The following HORMAD1 variants were observed in gnomAD, a reference collection of about 807,000 sequenced individuals.
HORMAD1 encodes the protein HORMA domain-containing protein 1.
HORMAD1 carries 33 observed loss-of-function variants against 58.2 expected under a neutral mutation model. The observed-to-expected ratio is 0.57, with a 90% CI of 0.43 to 0.76. HORMAD1 has a LOEUF of 0.76. Among genes scored for constraint, HORMAD1 ranks in the 30% least tolerant of loss-of-function variants. The pLI, the probability that HORMAD1 is intolerant of heterozygous loss-of-function variation, is 0.00. For synonymous variants in HORMAD1, 137 were observed against 144.6 expected (o/e 0.95, Z 0.38); for missense variants, 363 against 462.0 (o/e 0.79, Z 1.96).
At chr1:150,713,864 A>C (rs1404030676) in intron 5 of HORMAD1, 3 of 520,866 alleles carry the variant, frequency 5.8e-6, no homozygotes, top group Non-Finnish European at 1.0e-5. Context: ...AATAAGTGTT[A>C]AAAAAACTAG....
chr1:150,714,517 T>A, intron 4 of HORMAD1, 98 bp downstream of exon 4: 1 of 515,016 alleles, frequency 1.9e-6, no homozygotes, highest in Non-Finnish European at 3.4e-6. Context: ...AAAGGGTGAT[T>A]CACTAAAATT....
chr1:150,699,739 G>T (rs1279015174), intron 14 of HORMAD1, among the ~76,000 whole-genome samples: 2 of 144,478 alleles, frequency 1.4e-5, no homozygotes, highest in African/African-American at 5.2e-5. Flanking sequence ...TCACCATGTT[G>T]GCCAGGAGGG....
intron 12 of HORMAD1, among the ~76,000 whole-genome samples, chr1:150,703,610 T>C (rs1485515155): frequency 6.6e-6 from 1 of 152,090 alleles, no homozygotes; most frequent in East Asian, 1.9e-4. Context: ...ACTGAGAAAG[T>C]ACCAAATGAT....
At chr1:150,720,263 G>A (rs935724974) in intron 1 of HORMAD1, among the ~76,000 whole-genome samples, 1 of 152,118 alleles carries the variant, frequency 6.6e-6, no homozygotes, top group African/African-American at 2.4e-5. Flanking sequence ...GTAGACACGG[G>A]GTTTCACCAT....
At chr1:150,711,338 A>G (rs1651896796) in intron 7 of HORMAD1, among the ~76,000 whole-genome samples, 1 of 152,176 alleles carries the variant, frequency 6.6e-6, no homozygotes, top group Non-Finnish European at 1.5e-5. Flanking sequence ...TCAGTCACAT[A>G]ATCTCTGTCA....
chr1:150,700,703 A>G (rs1381853318), intron 13 of HORMAD1, among the ~76,000 whole-genome samples: 1 of 152,304 alleles, frequency 6.6e-6, no homozygotes, highest in Non-Finnish European at 1.5e-5. Context: ...TTTCAAATGA[A>G]AGGAATAATA....
intron 8 of HORMAD1, 138 bp downstream of exon 8, chr1:150,708,756 C>G (rs1438398055): frequency 5.3e-6 from 3 of 561,052 alleles, no homozygotes; most frequent in Non-Finnish European, 9.4e-6. Flanking sequence ...AGCCACCACT[C>G]CATTTTGCAT....
rs587703807 is a variant in HORMAD1 at position 150,700,101 on chromosome 1, A to G, written c.1104+11T>C. 3.8e-5 allele frequency: 50 copies of G among 1,318,798 alleles called. No individual in the cohort carries two copies. In the South Asian group the frequency reaches 5.7e-4, roughly 15 times the overall value. 81.7% of individuals were successfully genotyped at this position (1,318,798 alleles called of 1,614,324 possible). A position where few individuals can be genotyped will look rare whatever the true frequency, so the allele number is the denominator to read the frequency against. ...CATTGTATTCAAACTATACATTATC[A>G]TAAGACTTACTATTCTCCCAGATTC... On this transcript the variant is annotated intron_variant, in intron 14 of 14. Coordinates refer to ENST00000361824, the MANE Select transcript of HORMAD1 (RefSeq NM_032132.5).
Position 150,703,372 on chromosome 1 carries a change from T to G in HORMAD1, c.970A>C (p.Thr324Pro). The G allele has an allele frequency of 6.4e-7, 1 of 1,569,668 alleles. No individual in the cohort carries two copies. The highest frequency in any genetic ancestry group is 8.7e-7 in the Non-Finnish European group (1 of 1,148,748). ...CTTTCAGACATATCAAGTTCAGATGTTTTATTGACTAACTGCTCAACCTAA... is the reference window on the plus strand; with the variant it reads ...CTTTCAGACATATCAAGTTCAGATGGTTTATTGACTAACTGCTCAACCTAA... ...HSQVEQLVNK[T>P]SELDMSESKT... The change falls in exon 13 of 15, where the codon ACA becomes CCA. Residue 324 changes from threonine (T) to proline (P), a missense_variant. By Grantham distance (38) the Thr-to-Pro change is conservative (BLOSUM62 -1). Around this residue, in one of 3 missense-constraint regions of HORMAD1, gnomAD observed 226 missense variants for 257.8 expected, o/e 0.88. Coordinates refer to ENST00000361824, the MANE Select transcript of HORMAD1 (RefSeq NM_032132.5).
intron 9 of HORMAD1, among the ~76,000 whole-genome samples, chr1:150,707,773 T>C (rs1319293466): frequency 1.3e-5 from 2 of 152,100 alleles, no homozygotes; most frequent in Non-Finnish European, 2.9e-5. Context: ...CCATCTGTAC[T>C]AAAAATACAA....
chr1:150,708,439 T>C (rs751547145), intron 8 of HORMAD1, 32 bp from the exon 9 acceptor site: 2 of 1,456,032 alleles, frequency 1.4e-6, no homozygotes, highest in African/African-American at 1.4e-5. Flanking sequence ...ATTTATTTTA[T>C]AAAACCTGTG....
intron 3 of HORMAD1, 105 bp from the exon 4 acceptor site, chr1:150,714,783 TATTATAATTATTATTATTTTGAGACAG>T (rs1652018863): frequency 4.7e-6 from 2 of 424,028 alleles, no homozygotes; most frequent in Admixed American, 4.4e-5. Context: ...GGTAAATTAT[TATTATAATTATTATTATTTTGAGACAG>T]GGTCTCACTC....
At chr1:150,704,523 A>G (rs1257641307) in intron 10 of HORMAD1, among the ~76,000 whole-genome samples, 180 bp from the exon 11 acceptor site, 1 of 152,054 alleles carries the variant, frequency 6.6e-6, no homozygotes, top group African/African-American at 2.4e-5. Flanking sequence ...TGGAGGGAGG[A>G]TTGCTTGAGA....
intron 10 of HORMAD1, among the ~76,000 whole-genome samples, chr1:150,706,181 G>A (rs1651685731): frequency 6.6e-6 from 1 of 152,068 alleles, no homozygotes; most frequent in East Asian, 1.9e-4. Flanking sequence ...CACTTAGTAG[G>A]GATGTTGTAG....
chr1:150,711,652 G>A, intron 6 of HORMAD1, 81 bp from the exon 7 acceptor site: 2 of 1,135,290 alleles, frequency 1.8e-6, no homozygotes, highest in South Asian at 2.6e-5. Context: ...TAAACTTCAT[G>A]TGAACTCAGC....
At chr1:150,709,758 C>T (rs1408153607) in intron 7 of HORMAD1, among the ~76,000 whole-genome samples, 2 of 152,206 alleles carry the variant, frequency 1.3e-5, no homozygotes, top group African/African-American at 2.4e-5. Flanking sequence ...CCCGATTGTA[C>T]ATTTGTTCAA....
At chr1:150,709,556 A>G (rs750973393) in intron 7 of HORMAD1, among the ~76,000 whole-genome samples, 5 of 152,238 alleles carry the variant, frequency 3.3e-5, no homozygotes, top group Admixed American at 3.3e-4. Flanking sequence ...GTATTGTCCA[A>G]GGTTTCTCCC....
intron 14 of HORMAD1, 27 bp downstream of exon 14, chr1:150,700,085 C>A (rs1651492023): frequency 9.1e-7 from 1 of 1,096,152 alleles, no homozygotes; most frequent in Non-Finnish European, 1.4e-6. Flanking sequence ...CCATTGTATT[C>A]AAACTATACA....
chr1:150,717,000 G>T, intron 3 of HORMAD1, 138 bp downstream of exon 3: 1 of 424,872 alleles, frequency 2.4e-6, no homozygotes, highest in Non-Finnish European at 4.1e-6. Context: ...CTTTAAACAA[G>T]TGAACTGTCA....
Sources: gnomAD v4.1 joint callset for allele counts (sites outside exome capture counted in the v4.1 genomes callset) on GRCh38, gnomAD v4.1.1 for gene constraint, gnomAD v4.1.1 regional missense constraint, MANE v1.5 for transcripts, NCBI Gene and HGNC (gene_info 2026-07-23, HGNC 2026-07-21) for gene names.